Variants in CLPB observed in about 807,000 individuals in gnomAD.
CLPB encodes mitochondrial disaggregase.
In CLPB, 40 loss-of-function variants were observed where a neutral mutation model predicts 78.4. That is an observed-to-expected ratio of 0.51 (90% CI 0.40 to 0.66). The LOEUF is 0.66. Among genes scored for constraint, CLPB ranks in the 30% least tolerant of loss-of-function variants. CLPB has a pLI of 0.00. For synonymous variants in CLPB, 333 were observed against 348.0 expected (o/e 0.96, Z 0.48); for missense variants, 780 against 886.9 (o/e 0.88, Z 1.53).
At chr11:72,331,304 C>T (rs1165041377) in intron 5 of CLPB, among the ~76,000 whole-genome samples, 4 of 151,036 alleles carry the variant, frequency 2.6e-5, no homozygotes, top group Admixed American at 1.3e-4. Context: ...CTCAGGAGGC[C>T]GAGGCAGGAA....
intron 4 of CLPB, among the ~76,000 whole-genome samples, chr11:72,362,289 G>C (rs1451923946): frequency 6.6e-6 from 1 of 152,134 alleles, no homozygotes; most frequent in African/African-American, 2.4e-5. Flanking sequence ...CCCAATTCTA[G>C]TATTTATTAC....
At chr11:72,431,954 G>A (rs1383966324) in intron 1 of CLPB, among the ~76,000 whole-genome samples, 1 of 152,112 alleles carries the variant, frequency 6.6e-6, no homozygotes, top group East Asian at 1.9e-4. Context: ...AGTCCAGTTG[G>A]GAACCCCCAG....
chr11:72,420,552 T>C (rs890043780), intron 2 of CLPB, among the ~76,000 whole-genome samples: 5 of 151,692 alleles, frequency 3.3e-5, no homozygotes, highest in African/African-American at 1.2e-4. Flanking sequence ...ACTATTTACA[T>C]GCACAGTGAT....
At chr11:72,351,701 AGCTGG>A (rs1950616498) in intron 5 of CLPB, among the ~76,000 whole-genome samples, 2 of 152,016 alleles carry the variant, frequency 1.3e-5, no homozygotes, top group African/African-American at 4.8e-5. Context: ...CCTCCCAAGT[AGCTGG>A]GATTACAGGC....
In CLPB at chr11:72,288,129, T is replaced by G. The variant is rs1446797942; in HGVS notation, c.*5238A>C. On this transcript the variant is annotated 3_prime_UTR_variant, in exon 16 of 16. Coordinates refer to ENST00000538039, the MANE Select transcript of CLPB (RefSeq NM_001258392.3). ...CACTACACACCTTTGAGTTTTTCTT[T>G]TTGAACAATAAACATGTTACACTTT... 6.6e-6 allele frequency: 1 copy of G among 152,158 alleles called. No individual in the cohort carries two copies. Among genetic ancestry groups the G allele is most frequent in the Non-Finnish European group, 1.5e-5 (1 of 68,026 alleles). 9.4% of individuals were successfully genotyped at this position (152,158 alleles called of 1,614,324 possible). A position where few individuals can be genotyped will look rare whatever the true frequency, so the allele number is the denominator to read the frequency against.
At chr11:72,316,382 T>C in intron 7 of CLPB, among the ~76,000 whole-genome samples, 1 of 152,242 alleles carries the variant, frequency 6.6e-6, no homozygotes, top group African/African-American at 2.4e-5. Context: ...CTGGGGTTCC[T>C]CTTCCCTTGC....
At chr11:72,406,925 T>C (rs929969663) in intron 2 of CLPB, among the ~76,000 whole-genome samples, 1 of 152,260 alleles carries the variant, frequency 6.6e-6, no homozygotes. Context: ...TGTATGTGTA[T>C]AAAATTCTGC....
chr11:72,379,777 T>C (rs1480869277), intron 4 of CLPB, among the ~76,000 whole-genome samples: 1 of 152,084 alleles, frequency 6.6e-6, no homozygotes, highest in African/African-American at 2.4e-5. Context: ...CAATTTACAT[T>C]TAGGAGGGGG....
At chr11:72,411,084 T>C (rs914102820) in intron 2 of CLPB, among the ~76,000 whole-genome samples, 1 of 152,248 alleles carries the variant, frequency 6.6e-6, no homozygotes, top group African/African-American at 2.4e-5. Flanking sequence ...ACTTCCCCAG[T>C]AGGCAAGCAT....
At chr11:72,380,189 C>G in intron 4 of CLPB, 92 bp downstream of exon 4, 1 of 950,500 alleles carries the variant, frequency 1.1e-6, no homozygotes, top group Non-Finnish European at 1.7e-6. Context: ...GGCTGTCACT[C>G]TGAGTTGCTG....
At chr11:72,339,119 C>A (rs978880569) in intron 5 of CLPB, among the ~76,000 whole-genome samples, 4 of 152,206 alleles carry the variant, frequency 2.6e-5, no homozygotes, top group African/African-American at 9.7e-5. Flanking sequence ...ACAGGGACAT[C>A]TTCCTCATCA....
chr11:72,410,278 G>T (rs1376141643), intron 2 of CLPB, among the ~76,000 whole-genome samples: 1 of 152,096 alleles, frequency 6.6e-6, no homozygotes, highest in African/African-American at 2.4e-5. Context: ...TACTAAGTGA[G>T]GAGTGGTGGA....
chr11:72,366,204 G>A (rs1359804991), intron 4 of CLPB, among the ~76,000 whole-genome samples: 1 of 150,274 alleles, frequency 6.7e-6, no homozygotes, highest in Non-Finnish European at 1.5e-5. Context: ...GAACTTATGT[G>A]GGTCTTTTGT....
At position 72,402,957 on chromosome 11, in the gene CLPB, G is replaced by T; in HGVS notation, c.542+9C>A. On this transcript the variant is annotated intron_variant, in intron 3 of 15. Coordinates refer to ENST00000538039, the MANE Select transcript of CLPB (RefSeq NM_001258392.3). ...CTAAAGGAGCCCTGTGTGGAAGGTGGTCTCTCACCTGTTGTTTCGGTTGAT... is the reference window on the plus strand; with the variant it reads ...CTAAAGGAGCCCTGTGTGGAAGGTGTTCTCTCACCTGTTGTTTCGGTTGAT... 1.2e-6 allele frequency: 2 copies of T among 1,612,922 alleles called. No individual in the cohort carries two copies. Among genetic ancestry groups the T allele is most frequent in the African/African-American group, 1.3e-5 (1 of 75,034 alleles).
At chr11:72,408,277 T>C (rs1855769179) in intron 2 of CLPB, 2 of 1,043,534 alleles carry the variant, frequency 1.9e-6, no homozygotes, top group African/African-American at 1.6e-5. Flanking sequence ...CTCTGTCACT[T>C]ACTAGCTGTG....
rs897800751 is a variant in CLPB, at chr11:72,380,673, T to A, written c.543-289A>T. 3.4e-3 allele frequency among the ~76,000 whole-genome samples: 510 copies of A among 151,352 alleles called. 3 individuals carry two copies. Among genetic ancestry groups the A allele is most frequent in the African/African-American group, 0.012 (480 of 41,330 alleles). On this transcript the variant is annotated intron_variant, in intron 3 of 15. Transcript: ENST00000538039. ...GGGCAACATAGTGAAACTTCATTTTTAAAAAAAAAGGCAGCAGCCTCTGAA... is the reference window on the plus strand; with the variant it reads ...GGGCAACATAGTGAAACTTCATTTTAAAAAAAAAAGGCAGCAGCCTCTGAA...
intron 12 of CLPB, 41 bp downstream of exon 12, chr11:72,295,451 G>A: frequency 6.3e-7 from 1 of 1,598,394 alleles, no homozygotes; most frequent in Non-Finnish European, 8.6e-7. Flanking sequence ...TAGGCTGGTG[G>A]CTTGGTCACT....
At chr11:72,371,533 A>T (rs550144388) in intron 4 of CLPB, among the ~76,000 whole-genome samples, 14 of 126,220 alleles carry the variant, frequency 1.1e-4, no homozygotes, top group Admixed American at 9.9e-4. Flanking sequence ...ACTCTGTCTC[A>T]AAAATAAAAT....
chr11:72,411,555 T>C (rs1423406901), intron 2 of CLPB, among the ~76,000 whole-genome samples: 1 of 152,036 alleles, frequency 6.6e-6, no homozygotes, highest in Non-Finnish European at 1.5e-5. Context: ...AAAATGAAAA[T>C]TGAGTAGATT....
Sources: allele counts gnomAD v4.1 joint callset (sites outside exome capture counted in the v4.1 genomes callset), GRCh38; gene constraint gnomAD v4.1.1; transcripts MANE v1.5; gene names NCBI Gene and HGNC (gene_info 2026-07-23, HGNC 2026-07-21).